Variants in MSRA observed in about 807,000 individuals in gnomAD.
The protein encoded by MSRA is mitochondrial peptide methionine sulfoxide reductase.
In MSRA, 54 loss-of-function variants were observed where a neutral mutation model predicts 31.3. The observed-to-expected ratio is 1.73, with a 90% CI of 1.39 to 2.17. MSRA has a LOEUF of 2.17. Among genes scored for constraint, MSRA ranks in the 30% most tolerant of loss-of-function variants. The pLI is 0.00. For synonymous variants in MSRA, 169 were observed against 116.5 expected (o/e 1.45, Z -2.90); for missense variants, 507 against 300.9 (o/e 1.69, Z -5.07).
intron 1 of MSRA, among the ~76,000 whole-genome samples, chr8:10,176,443 C>T (rs1318508518): frequency 6.6e-6 from 1 of 152,152 alleles, no homozygotes; most frequent in Admixed American, 6.5e-5. Context: ...TGTGTGGTGC[C>T]AGGAGGCTTC....
intron 1 of MSRA, among the ~76,000 whole-genome samples, chr8:10,108,830 T>C (rs1800077293): frequency 6.6e-6 from 1 of 152,064 alleles, no homozygotes; most frequent in South Asian, 2.1e-4. Context: ...GTTCTCTGTC[T>C]CTCCACTCCT....
chr8:10,353,822 A>T (rs1207447573), intron 5 of MSRA: 1 of 273,482 alleles, frequency 3.7e-6, no homozygotes, highest in Non-Finnish European at 7.3e-6. Context: ...GGGAGAAATA[A>T]CAAGACATTT....
intron 1 of MSRA, among the ~76,000 whole-genome samples, chr8:10,098,702 T>TA (rs1390829302): frequency 6.6e-6 from 1 of 152,232 alleles, no homozygotes; most frequent in African/African-American, 2.4e-5. Flanking sequence ...CACGTAGCTG[T>TA]AAGAATCTTG....
At chr8:10,300,571 T>C (rs1800788997) in intron 3 of MSRA, among the ~76,000 whole-genome samples, 1 of 152,076 alleles carries the variant, frequency 6.6e-6, no homozygotes, top group African/African-American at 2.4e-5. Flanking sequence ...TTTTGTTCAG[T>C]AGAGATGGGG....
intron 1 of MSRA, among the ~76,000 whole-genome samples, chr8:10,185,879 G>A (rs1379178148): frequency 1.3e-5 from 2 of 149,648 alleles, no homozygotes; most frequent in South Asian, 4.2e-4. Context: ...CCATAAGATA[G>A]GGGTAATTTC....
chr8:10,099,921 G>A (rs1347441525), intron 1 of MSRA, among the ~76,000 whole-genome samples: 1 of 152,190 alleles, frequency 6.6e-6, no homozygotes, highest in East Asian at 1.9e-4. Context: ...TGTGGCCTGA[G>A]CATGCAGCAG....
chr8:10,164,801 C>T (rs558122156), intron 1 of MSRA, among the ~76,000 whole-genome samples: 5 of 152,230 alleles, frequency 3.3e-5, no homozygotes, highest in East Asian at 1.9e-4. Flanking sequence ...GAGACCTAGG[C>T]GGTGGATCAC....
At chr8:10,420,839 C>G (rs1414316408) in intron 5 of MSRA, among the ~76,000 whole-genome samples, 2 of 151,726 alleles carry the variant, frequency 1.3e-5, no homozygotes, top group East Asian at 3.9e-4. Flanking sequence ...CAACTGTACA[C>G]TTAAAAATGG....
At chr8:10,427,985 A>C (rs1290216603) in intron 5 of MSRA, among the ~76,000 whole-genome samples, 163 bp from the exon 6 acceptor site, 1 of 152,132 alleles carries the variant, frequency 6.6e-6, no homozygotes, top group African/African-American at 2.4e-5. Context: ...GTCCCTGCCC[A>C]GCGTCACTCC....
chr8:10,222,872 C>T (rs1810651405), intron 2 of MSRA, among the ~76,000 whole-genome samples: 1 of 152,094 alleles, frequency 6.6e-6, no homozygotes, highest in African/African-American at 2.4e-5. Flanking sequence ...TTCAATTGGA[C>T]CTGAAGAATA....
At chr8:10,171,409 G>A (rs1453882821) in intron 1 of MSRA, among the ~76,000 whole-genome samples, 1 of 148,482 alleles carries the variant, frequency 6.7e-6, no homozygotes, top group East Asian at 2.0e-4. Flanking sequence ...GAAATGAACA[G>A]CTCTCTACAT....
chr8:10,316,561 T>C, intron 4 of MSRA, among the ~76,000 whole-genome samples: 1 of 108,382 alleles, frequency 9.2e-6, no homozygotes. Context: ...TCTCTCTCTC[T>C]CTCTCTCTCT....
intron 2 of MSRA, among the ~76,000 whole-genome samples, chr8:10,242,944 C>T (rs1445648484): frequency 2.0e-5 from 3 of 152,208 alleles, no homozygotes; most frequent in Admixed American, 6.5e-5. Flanking sequence ...TGCCCACCTG[C>T]ATCCTGGTCA....
chr8:10,267,558 C>T (rs936607545), intron 3 of MSRA, among the ~76,000 whole-genome samples: 2 of 152,060 alleles, frequency 1.3e-5, no homozygotes, highest in Admixed American at 6.6e-5. Context: ...GGATTTGTCC[C>T]GGGGAATTAC....
At chr8:10,266,375 C>T (rs1044404290) in intron 3 of MSRA, among the ~76,000 whole-genome samples, 23 of 152,168 alleles carry the variant, frequency 1.5e-4, no homozygotes, top group African/African-American at 5.6e-4. Flanking sequence ...AACTTACTTG[C>T]CATGTGTATG....
At chr8:10,162,855 G>T (rs560293340) in intron 1 of MSRA, among the ~76,000 whole-genome samples, 2 of 152,230 alleles carry the variant, frequency 1.3e-5, no homozygotes, top group Admixed American at 1.3e-4. Context: ...ACTCATTGGA[G>T]CCCTCCCCGC....
chr8:10,342,689 A>C (rs767945839), intron 5 of MSRA, among the ~76,000 whole-genome samples: 18 of 152,204 alleles, frequency 1.2e-4, no homozygotes, highest in Non-Finnish European at 2.9e-5. Flanking sequence ...CTGGCCTTAC[A>C]GACGAGGAAC....
chr8:10,344,683 A>G (rs534854178), intron 5 of MSRA, among the ~76,000 whole-genome samples: 171 of 151,760 alleles, frequency 1.1e-3, no homozygotes, highest in African/African-American at 3.9e-3. Flanking sequence ...TGAGCTAACT[A>G]CCATGAGTTT....
intron 2 of MSRA, 139 bp downstream of exon 2, chr8:10,208,040 A>T: frequency 1.6e-6 from 1 of 607,742 alleles, no homozygotes. Flanking sequence ...CAAGAAAACT[A>T]TTGAGTTCCT....
Sources: allele counts gnomAD v4.1 joint callset (sites outside exome capture counted in the v4.1 genomes callset), GRCh38; gene constraint gnomAD v4.1.1; transcripts MANE v1.5; gene names NCBI Gene and HGNC (gene_info 2026-07-23, HGNC 2026-07-21).